The following MRTFB variants were observed in gnomAD, a reference collection of about 807,000 sequenced individuals.
MRTFB encodes myocardin related transcription factor B.
Under a neutral mutation model 104.2 loss-of-function variants are expected in MRTFB, and 29 were observed. The observed-to-expected ratio is 0.28, with a 90% CI of 0.21 to 0.38. MRTFB has a LOEUF of 0.38. MRTFB is among the 10% of genes least tolerant of loss of function. The pLI, the probability that MRTFB is intolerant of heterozygous loss-of-function variation, is 1.00. For missense variants in MRTFB, 1,270 were observed against 1,341.6 expected (o/e 0.95, Z 0.83); for synonymous variants, 535 against 519.5 (o/e 1.03, Z -0.41).
At chr16:14,164,965 A>C (rs1379185918) in intron 3 of MRTFB, among the ~76,000 whole-genome samples, 1 of 151,902 alleles carries the variant, frequency 6.6e-6, no homozygotes, top group Non-Finnish European at 1.5e-5. Flanking sequence ...AAAAAAAAAA[A>C]CTACCTGATA....
chr16:14,237,789 T>G (rs1350671635), intron 9 of MRTFB, among the ~76,000 whole-genome samples: 1 of 152,108 alleles, frequency 6.6e-6, no homozygotes, highest in African/African-American at 2.4e-5. Context: ...CACTTATACG[T>G]TCTCAATGTT....
chr16:14,174,606 C>T (rs2039523409), intron 3 of MRTFB, among the ~76,000 whole-genome samples: 1 of 152,110 alleles, frequency 6.6e-6, no homozygotes, highest in Admixed American at 6.5e-5. Flanking sequence ...TCACTTGAGC[C>T]CGGGAGGCAG....
At chr16:14,166,212 C>CTTTT (rs1195479290) in intron 3 of MRTFB, among the ~76,000 whole-genome samples, 2 of 97,534 alleles carry the variant, frequency 2.1e-5, no homozygotes, top group African/African-American at 1.0e-4. Flanking sequence ...TGTGGGTTTT[C>CTTTT]TTTTCTTTTT....
intron 8 of MRTFB, among the ~76,000 whole-genome samples, chr16:14,220,031 G>A (rs544535981): frequency 6.6e-6 from 1 of 152,270 alleles, no homozygotes; most frequent in South Asian, 2.1e-4. Flanking sequence ...ATGTAGAGCC[G>A]CTACAGCTTG....
intron 3 of MRTFB, among the ~76,000 whole-genome samples, chr16:14,209,723 T>C (rs1208408575): frequency 6.6e-6 from 1 of 152,326 alleles, no homozygotes; most frequent in East Asian, 1.9e-4. Context: ...CAAAGATTAC[T>C]AAACTTTAAA....
At chr16:14,045,524 C>A in the MRTFB span, among the ~76,000 whole-genome samples, 2 of 152,176 alleles carry the variant, frequency 1.3e-5, no homozygotes, top group Non-Finnish European at 2.9e-5. Flanking sequence ...CCTGTTACAC[C>A]ACCTGCCAAG....
intron 2 of MRTFB, among the ~76,000 whole-genome samples, chr16:14,129,633 A>G (rs1247599412): frequency 1.3e-5 from 2 of 152,148 alleles, no homozygotes; most frequent in East Asian, 3.8e-4. Flanking sequence ...CTGTTTTCCA[A>G]AGTAGTGTTT....
intron 3 of MRTFB, among the ~76,000 whole-genome samples, chr16:14,197,522 G>A (rs911307367): frequency 6.6e-6 from 1 of 152,080 alleles, no homozygotes; most frequent in African/African-American, 2.4e-5. Context: ...ATAATCACTT[G>A]CCCATAGAAA....
At chr16:14,105,459 A>G (rs1399200892) in intron 2 of MRTFB, among the ~76,000 whole-genome samples, 3 of 151,744 alleles carry the variant, frequency 2.0e-5, no homozygotes, top group East Asian at 3.9e-4. Flanking sequence ...GTGCGGTGGC[A>G]TAACCATGGC....
rs774392680 is a variant in MRTFB, at chr16:14,247,228, A to T, written c.1968A>T (p.Val656=). ...DCSSSRQPIP[V]ASHAVGQPVS... The stretch of plus-strand genomic sequence containing the variant: ...CCAGCTCCAGGCAGCCCATCCCAGT[A>T]GCCAGCCACGCTGTAGGCCAGCCCG... The change falls in exon 12 of 17, where the codon GTA becomes GTT. Residue 656 remains valine (V), a synonymous_variant. Coordinates refer to ENST00000571589, the MANE Select transcript of MRTFB (RefSeq NM_001308142.2). The T allele has an allele frequency of 6.2e-7, 1 of 1,614,192 alleles. No individual in the cohort carries two copies. Among genetic ancestry groups the T allele is most frequent in the Non-Finnish European group, 8.5e-7 (1 of 1,180,042 alleles).
chr16:14,057,040 T>C, the MRTFB span, among the ~76,000 whole-genome samples: 1 of 152,200 alleles, frequency 6.6e-6, no homozygotes, highest in African/African-American at 2.4e-5. Flanking sequence ...CAACACTGAA[T>C]GCTAGATATT....
At chr16:14,230,607 G>A (rs1222034392) in intron 8 of MRTFB, among the ~76,000 whole-genome samples, 1 of 152,084 alleles carries the variant, frequency 6.6e-6, no homozygotes, top group East Asian at 1.9e-4. Context: ...CAGTTAGAAT[G>A]GCAATTATTA....
intron 3 of MRTFB, among the ~76,000 whole-genome samples, chr16:14,208,060 T>G (rs1211607174): frequency 1.3e-5 from 2 of 152,194 alleles, no homozygotes; most frequent in Admixed American, 6.5e-5. Context: ...AGCCCACACA[T>G]CTGGTGTCAG....
intron 11 of MRTFB, among the ~76,000 whole-genome samples, 171 bp from the exon 12 acceptor site, chr16:14,246,302 G>T (rs1216503424): frequency 6.6e-6 from 1 of 152,184 alleles, no homozygotes; most frequent in East Asian, 1.9e-4. Flanking sequence ...AGTGCTTCTA[G>T]TCTGTAGTTA....
At chr16:14,014,513 G>A in the MRTFB span, among the ~76,000 whole-genome samples, 91,629 of 151,572 alleles carry the variant, frequency 0.6, 29,194 homozygotes, top group African/African-American at 0.8. Flanking sequence ...CAGTGATTGC[G>A]CCACTGCGCT....
chr16:14,185,941 A>T (rs540158453), intron 3 of MRTFB, among the ~76,000 whole-genome samples: 1 of 152,332 alleles, frequency 6.6e-6, no homozygotes, highest in South Asian at 2.1e-4. Context: ...TGTGACTTGC[A>T]GGAGAGGTGC....
rs1447843646 is a variant in MRTFB at position 14,177,899 on chromosome 16, G to T, written c.155-32344G>T. Reference sequence around the variant, plus strand: ...AAAGCGAGAAGTACATGAACCAGAGGTAGGGTGTGTGTGTGTGTGTGTGTG... The same window carrying T: ...AAAGCGAGAAGTACATGAACCAGAGTTAGGGTGTGTGTGTGTGTGTGTGTG... On this transcript the variant is annotated intron_variant, in intron 3 of 16. Transcript: ENST00000571589. This position sits in a 1 kb window ranked among gnomAD's most constrained non-coding sequence, Gnocchi z 4.7. Among the ~76,000 whole-genome samples, 10 of 94,090 alleles carry T rather than the reference G, an allele frequency of 1.1e-4. No homozygotes were observed. The highest frequency in any genetic ancestry group is 2.0e-5 in the Non-Finnish European group (1 of 50,066). The allele number at this position is 94,090 out of a possible 152,430, so 61.7% of individuals were successfully genotyped here.
At chr16:14,211,199 T>A (rs1224249017) in intron 4 of MRTFB, among the ~76,000 whole-genome samples, 1 of 152,206 alleles carries the variant, frequency 6.6e-6, no homozygotes, top group Non-Finnish European at 1.5e-5. Flanking sequence ...CTATTGAGAA[T>A]CTAAATATTT....
the MRTFB span, among the ~76,000 whole-genome samples, chr16:14,057,056 C>T: frequency 6.6e-6 from 1 of 152,166 alleles, no homozygotes. Context: ...ATATTGCAGA[C>T]AGAGGCTACA....
Sources: allele counts gnomAD v4.1 joint callset (sites outside exome capture counted in the v4.1 genomes callset), GRCh38; gene constraint gnomAD v4.1.1; non-coding constraint Gnocchi (gnomAD v3.1); transcripts MANE v1.5; gene names NCBI Gene and HGNC (gene_info 2026-07-23, HGNC 2026-07-21).